SPG11: variants seen among roughly 807,000 people sequenced by gnomAD.
SPG11 encodes the protein spatacsin.
Under a neutral mutation model 274.0 loss-of-function variants are expected in SPG11, and 222 were observed. The observed-to-expected ratio is 0.81, with a 90% CI of 0.73 to 0.91. The LOEUF (loss-of-function observed/expected upper bound fraction) is 0.91. SPG11 is among the 40% of genes least tolerant of loss of function. SPG11 has a pLI of 0.00. For synonymous variants in SPG11, 1,144 were observed against 1,039.7 expected, an observed-to-expected ratio of 1.10 and a Z score of -1.93; for missense variants, 3,114 against 2,872.7, an observed-to-expected ratio of 1.08 and a Z score of -1.92.
intron 15 of SPG11, 50 bp downstream of exon 15, chr15:44,620,140 C>T (rs1159998290): frequency 1.4e-6 from 2 of 1,419,980 alleles, no homozygotes; most frequent in Non-Finnish European, 9.9e-7. Context: ...TTTTTTCTTG[C>T]TCTTCCCTTG....
Position 44,648,936 on chromosome 15 carries a change from G to A in SPG11, c.1532C>T (p.Ala511Val). The change falls in exon 7 of 40, where the codon GCC becomes GTC. Residue 511 changes from alanine to valine, a missense_variant. Physicochemically the swap from Ala to Val is moderately conservative, Grantham distance 64 (BLOSUM62 0). Transcript: ENST00000261866. ...FLNRLMIHGS[A>V]STVDTLCHLN... The stretch of plus-strand genomic sequence containing the variant: ...ATGACAAAGAGTGTCCACAGTGCTG[G>A]CACTTCCATGGATCATGAGTCTGTT... 1 of 1,613,850 alleles carries A rather than the reference G, an allele frequency of 6.2e-7. No individual in the cohort carries two copies. Among genetic ancestry groups the A allele is most frequent in the Non-Finnish European group, 8.5e-7 (1 of 1,179,792 alleles).
intron 7 of SPG11, among the ~76,000 whole-genome samples, chr15:44,636,670 C>T (rs1240909436): frequency 6.6e-6 from 1 of 150,562 alleles, no homozygotes; most frequent in African/African-American, 2.4e-5. Flanking sequence ...TCAAAAAAAA[C>T]AAAAAAACAA....
At chr15:44,588,131 A>G (rs1177472100) in intron 28 of SPG11, among the ~76,000 whole-genome samples, 1 of 152,224 alleles carries the variant, frequency 6.6e-6, no homozygotes, top group Non-Finnish European at 1.5e-5. Context: ...AATGTGAGAA[A>G]ATAACCCTAG....
At chr15:44,656,485 A>C (rs1042643721) in intron 4 of SPG11, among the ~76,000 whole-genome samples, 1 of 152,202 alleles carries the variant, frequency 6.6e-6, no homozygotes, top group African/African-American at 2.4e-5. Flanking sequence ...GGATGGGGTA[A>C]AGAGTGGAAG....
chr15:44,605,436 A>G (rs2083293912), intron 20 of SPG11, among the ~76,000 whole-genome samples: 2 of 152,230 alleles, frequency 1.3e-5, no homozygotes, highest in South Asian at 4.1e-4. Context: ...TTAGGGTAAT[A>G]TAGGCAGAGG....
chr15:44,598,416 T>C (rs1158180890), intron 22 of SPG11, 43 bp from the exon 23 acceptor site: 2 of 1,562,468 alleles, frequency 1.3e-6, no homozygotes, highest in East Asian at 4.5e-5. Flanking sequence ...AGAGAAAAAG[T>C]CAAAACCTGA....
chr15:44,598,534 G>T, intron 22 of SPG11, 97 bp downstream of exon 22: 1 of 1,365,190 alleles, frequency 7.3e-7, no homozygotes, highest in Non-Finnish European at 1.0e-6. Flanking sequence ...ATAAAACCAA[G>T]AAGATAACCA....
intron 38 of SPG11, 94 bp downstream of exon 38, chr15:44,565,760 C>T (rs566785254): frequency 1.3e-6 from 2 of 1,502,436 alleles, no homozygotes; most frequent in African/African-American, 2.7e-5. Flanking sequence ...CTGGTTCTGT[C>T]ACTAGCCCTG....
At chr15:44,641,788 A>C (rs2084450644) in intron 7 of SPG11, among the ~76,000 whole-genome samples, 1 of 152,086 alleles carries the variant, frequency 6.6e-6, no homozygotes, top group South Asian at 2.1e-4. Context: ...CAATCTTGGA[A>C]AACTAGAGTA....
chr15:44,655,712 GT>G (rs1200674096), intron 4 of SPG11, among the ~76,000 whole-genome samples: 1 of 152,146 alleles, frequency 6.6e-6, no homozygotes, highest in Non-Finnish European at 1.5e-5. Context: ...TAGTAGTTAA[GT>G]TTTGGGGGAG....
In SPG11 at chr15:44,585,651, G is replaced by C. The variant is rs762524521; in HGVS notation, c.5106C>G (p.Asn1702Lys). 8.0e-6 allele frequency: 12 copies of C among 1,498,688 alleles called. No individual in the cohort carries two copies. Among genetic ancestry groups the C allele is most frequent in the Non-Finnish European group, 1.0e-5 (11 of 1,083,646 alleles). The allele number at this position is 1,498,688 out of a possible 1,614,324, so 92.8% of individuals were successfully genotyped here. ...VAELAELPVD[N>K]LVIKEITQEM... ...CCGATGATACCTCTTTAATAACCAA[G>C]TTGTCCACAGGTAACTCAGCTAATT... The change falls in exon 29 of 40, where the codon AAC (asparagine) becomes AAG (lysine). Residue 1702 changes from asparagine (N) to lysine (K), a missense_variant. Transcript: ENST00000261866.
intron 30 of SPG11, among the ~76,000 whole-genome samples, chr15:44,581,664 C>T (rs1385142734): frequency 6.7e-6 from 1 of 149,398 alleles, no homozygotes; most frequent in Admixed American, 6.6e-5. Context: ...GAGGCCAAGG[C>T]GGGTTTATTA....
chr15:44,614,980 A>G (rs2083556711), intron 16 of SPG11, among the ~76,000 whole-genome samples: 1 of 152,218 alleles, frequency 6.6e-6, no homozygotes. Flanking sequence ...ATACCTTGAA[A>G]GTGAAATACA....
At chr15:44,594,907 C>G (rs1349900029) in intron 26 of SPG11, among the ~76,000 whole-genome samples, 1 of 152,226 alleles carries the variant, frequency 6.6e-6, no homozygotes, top group Non-Finnish European at 1.5e-5. Flanking sequence ...ACCTCCACCT[C>G]CCAGGTTCAA....
At chr15:44,574,736 C>A (rs2082497788) in intron 31 of SPG11, among the ~76,000 whole-genome samples, 166 bp downstream of exon 31, 1 of 152,192 alleles carries the variant, frequency 6.6e-6, no homozygotes, top group African/African-American at 2.4e-5. Context: ...GTGTCCTCCC[C>A]ACCATTCCCC....
At chr15:44,625,946 C>G (rs2083886378) in intron 11 of SPG11, among the ~76,000 whole-genome samples, 1 of 152,058 alleles carries the variant, frequency 6.6e-6, no homozygotes. Flanking sequence ...TCCCAAAGTG[C>G]TGGGATTACA....
chr15:44,638,636 G>A (rs12592479), intron 7 of SPG11, among the ~76,000 whole-genome samples: 2,224 of 152,202 alleles, frequency 0.015, 57 homozygotes, highest in East Asian at 0.097. Flanking sequence ...GCACAAAGGA[G>A]CTCCTGGAGT....
In SPG11 at chr15:44,629,302, C is replaced by G. The variant is rs755816939; in HGVS notation, c.1822G>C (p.Glu608Gln). The change falls in exon 9 of 40, where the codon GAA (glutamate) becomes CAA (glutamine). Residue 608 changes from glutamate to glutamine, a missense_variant. Physicochemically the swap from Glu to Gln is conservative, Grantham distance 29 (BLOSUM62 2). Transcript: ENST00000261866. ...GACAGTGTAAGATTAAGCAATTGTT[C>G]TGAAAAGTGTTTGCTTTGGGGTTCA... ...YSEPQSKHFS[E>Q]QLLNLTLSFL... The G allele has an allele frequency of 1.2e-6, 2 of 1,613,956 alleles. No homozygotes were observed. The highest frequency in any genetic ancestry group is 2.2e-5 in the South Asian group (2 of 91,080).
intron 7 of SPG11, among the ~76,000 whole-genome samples, chr15:44,635,449 A>AG (rs1444138157): frequency 6.6e-6 from 1 of 151,732 alleles, no homozygotes; most frequent in Non-Finnish European, 1.5e-5. Context: ...ACTAAAAAAA[A>AG]TTAAAAAGTA....
Sources: allele counts gnomAD v4.1 joint callset (sites outside exome capture counted in the v4.1 genomes callset), GRCh38; gene constraint gnomAD v4.1.1; transcripts MANE v1.5; gene names NCBI Gene and HGNC (gene_info 2026-07-23, HGNC 2026-07-21).